Variants in JAK1 observed in about 807,000 individuals in gnomAD.
The protein encoded by JAK1 is Janus kinase 1.
Under a neutral mutation model 136.6 loss-of-function variants are expected in JAK1, and 16 were observed. That is an observed-to-expected ratio of 0.12 (90% confidence interval 0.08 to 0.18). The LOEUF is 0.18. Ranked by LOEUF, JAK1 falls within the 10% of genes least tolerant of loss-of-function variation. The pLI is 1.00. For synonymous variants in JAK1, 492 were observed against 519.5 expected (o/e 0.95, Z 0.72); for missense variants, 859 against 1,450.1 (o/e 0.59, Z 6.62).
intron 2 of JAK1, among the ~76,000 whole-genome samples, chr1:65,015,366 A>G (rs1322953287): frequency 6.6e-6 from 1 of 152,204 alleles, no homozygotes; most frequent in Non-Finnish European, 1.5e-5. Context: ...CAAGAAAAAC[A>G]TTAGTGACTA....
chr1:64,860,949 T>G (rs1656287633), intron 8 of JAK1, among the ~76,000 whole-genome samples: 1 of 141,046 alleles, frequency 7.1e-6, no homozygotes, highest in Non-Finnish European at 1.5e-5. Context: ...TGTGTGTGTG[T>G]GTGTGTGTGT....
chr1:65,019,069 TG>T (rs372025847), intron 2 of JAK1, among the ~76,000 whole-genome samples: 1 of 152,192 alleles, frequency 6.6e-6, no homozygotes, highest in African/African-American at 2.4e-5. Context: ...AACAATCCTA[TG>T]ATCATTAAAT....
chr1:64,913,929 G>A (rs1242001239), intron 1 of JAK1, among the ~76,000 whole-genome samples: 1 of 152,190 alleles, frequency 6.6e-6, no homozygotes. Context: ...GCATGTAGTG[G>A]TCCTTTCACA....
chr1:64,939,103 G>A (rs912957652), intron 1 of JAK1, among the ~76,000 whole-genome samples: 2 of 152,176 alleles, frequency 1.3e-5, no homozygotes, highest in Non-Finnish European at 2.9e-5. Flanking sequence ...AACTGTTGGA[G>A]CAACTGTTTG....
At chr1:65,057,465 C>T (rs185734256) in intron 1 of JAK1, among the ~76,000 whole-genome samples, 213 of 152,254 alleles carry the variant, frequency 1.4e-3, no homozygotes, top group African/African-American at 4.9e-3. Flanking sequence ...CTTTGGGAGG[C>T]TGAGGTGGGA....
At chr1:64,863,986 A>C (rs74570412) in intron 8 of JAK1, among the ~76,000 whole-genome samples, 11,298 of 152,284 alleles carry the variant, frequency 0.074, 596 homozygotes, top group Non-Finnish European at 0.099. Context: ...AGGTTACCAA[A>C]CTGTTTTCCA....
At chr1:65,003,918 T>C (rs537209964) in intron 2 of JAK1, 1 of 152,368 alleles carries the variant, frequency 6.6e-6, no homozygotes, top group East Asian at 1.9e-4. Context: ...ATTTTAGTTC[T>C]TATTCCTATA....
chr1:64,895,341 C>T (rs1289468759), intron 1 of JAK1, among the ~76,000 whole-genome samples: 1 of 152,140 alleles, frequency 6.6e-6, no homozygotes, highest in Non-Finnish European at 1.5e-5. Context: ...TTTTTAAATG[C>T]TAAACAAGAC....
chr1:64,985,251 A>T, intron 2 of JAK1: 4 of 1,605,258 alleles, frequency 2.5e-6, no homozygotes, highest in Non-Finnish European at 3.4e-6. Context: ...GATTACAGAG[A>T]GCTGCTGAGA....
chr1:64,835,031 C>G (rs1489651837), intron 24 of JAK1, among the ~76,000 whole-genome samples: 3 of 152,148 alleles, frequency 2.0e-5, no homozygotes, highest in Non-Finnish European at 4.4e-5. Context: ...ATTAAAGGCT[C>G]AATTCACTTA....
chr1:64,867,533 T>C (rs1656780090), intron 6 of JAK1, among the ~76,000 whole-genome samples: 1 of 151,594 alleles, frequency 6.6e-6, no homozygotes, highest in Non-Finnish European at 1.5e-5. Flanking sequence ...TGCACATTAG[T>C]ACTCACATCT....
At chr1:64,953,603 A>T (rs4244164) in intron 1 of JAK1, among the ~76,000 whole-genome samples, 149,933 of 152,310 alleles carry the variant, frequency 0.98, 73,832 homozygotes, top group Middle Eastern at 1. Context: ...TACCAAACTT[A>T]CTTTAGGACA....
At position 64,948,411 on chromosome 1, in the gene JAK1, T is replaced by C. The variant is rs375943206; in HGVS notation, c.-78+17922A>G. 1.3e-3 allele frequency among the ~76,000 whole-genome samples: 195 copies of C among 152,370 alleles called. 1 individual carries two copies. Among genetic ancestry groups the C allele is most frequent in the African/African-American group, 4.5e-3 (189 of 41,584 alleles). On this transcript the variant is annotated intron_variant, in intron 1 of 24. Transcript: ENST00000342505. Reference sequence around the variant, plus strand: ...TATCTAGAATCTGAAAGACACAGCATAAAGCTGAACAGAGGTGCCTGAGGC... The same window carrying C: ...TATCTAGAATCTGAAAGACACAGCACAAAGCTGAACAGAGGTGCCTGAGGC...
intron 24 of JAK1, 91 bp from the exon 25 acceptor site, chr1:64,834,748 G>C (rs190630111): frequency 1.2e-6 from 1 of 834,234 alleles, no homozygotes; most frequent in East Asian, 2.5e-5. Context: ...AAATAATTTT[G>C]GAAATGCAAT....
At chr1:64,975,959 C>A (rs1211168232) in intron 2 of JAK1, among the ~76,000 whole-genome samples, 3 of 152,126 alleles carry the variant, frequency 2.0e-5, no homozygotes, top group African/African-American at 7.2e-5. Context: ...TACAATGGGA[C>A]CTTTGTTGTG....
intron 1 of JAK1, among the ~76,000 whole-genome samples, chr1:64,952,184 G>A (rs1646103973): frequency 1.3e-5 from 2 of 152,312 alleles, no homozygotes; most frequent in South Asian, 4.1e-4. Context: ...TCAAAAGCAG[G>A]AGTGTGAGGG....
intron 1 of JAK1, among the ~76,000 whole-genome samples, chr1:64,930,641 T>C (rs1350472297): frequency 7.0e-6 from 1 of 142,740 alleles, no homozygotes; most frequent in Non-Finnish European, 1.6e-5. Flanking sequence ...AGCAATCCCA[T>C]TACTGGGTAT....
intron 2 of JAK1, among the ~76,000 whole-genome samples, chr1:65,030,943 T>C (rs1647017570): frequency 6.6e-6 from 1 of 151,864 alleles, no homozygotes; most frequent in Non-Finnish European, 1.5e-5. Context: ...TGCTTAAGCC[T>C]AGGAGTTTAA....
At chr1:64,883,586 G>A in intron 2 of JAK1, 111 bp from the exon 3 acceptor site, 1 of 814,894 alleles carries the variant, frequency 1.2e-6, no homozygotes, top group South Asian at 1.7e-5. Flanking sequence ...TGTTGGTATT[G>A]GATACGTACC....
Sources: gnomAD v4.1 joint callset for allele counts (sites outside exome capture counted in the v4.1 genomes callset) on GRCh38, gnomAD v4.1.1 for gene constraint, MANE v1.5 for transcripts, NCBI Gene and HGNC (gene_info 2026-07-23, HGNC 2026-07-21) for gene names.